Variants in PLGRKT observed in about 807,000 individuals in gnomAD.
PLGRKT encodes the protein plasminogen receptor with a C-terminal lysine.
A neutral mutation model predicts 18.5 loss-of-function variants in PLGRKT; 22 were observed. That is an observed-to-expected ratio of 1.19 (90% confidence interval 0.85 to 1.70). PLGRKT has a LOEUF of 1.70. Among genes scored for constraint, PLGRKT ranks in the 40% most tolerant of loss-of-function variants. The probability of loss-of-function intolerance (pLI) is 0.00; values close to 1 mark genes in which losing one functional copy is unlikely to be tolerated. For missense variants in PLGRKT, 235 were observed against 174.4 expected (o/e 1.35, Z -1.96); for synonymous variants, 72 against 52.8 (o/e 1.36, Z -1.58).
chr9:5,384,752 C>T (rs1412284558), intron 3 of PLGRKT, among the ~76,000 whole-genome samples: 1 of 151,804 alleles, frequency 6.6e-6, no homozygotes, highest in Non-Finnish European at 1.5e-5. Flanking sequence ...ACTAACCAAG[C>T]AGAAGAAAAA....
At chr9:5,360,191 T>C (rs1328146086) in intron 5 of PLGRKT, among the ~76,000 whole-genome samples, 2 of 152,236 alleles carry the variant, frequency 1.3e-5, no homozygotes, top group African/African-American at 2.4e-5. Context: ...TTTTCAATAT[T>C]AGAAGAATAT....
intron 3 of PLGRKT, among the ~76,000 whole-genome samples, chr9:5,416,508 T>A (rs575566612): frequency 1.1e-3 from 170 of 152,340 alleles, no homozygotes; most frequent in Admixed American, 2.9e-3. Context: ...CTACATATAG[T>A]AGGCATTCTG....
chr9:5,427,409 C>T (rs894695595), intron 3 of PLGRKT, among the ~76,000 whole-genome samples: 4 of 151,540 alleles, frequency 2.6e-5, no homozygotes, highest in African/African-American at 9.7e-5. Context: ...AGTGGAAGTT[C>T]TCAATATGAA....
intron 3 of PLGRKT, among the ~76,000 whole-genome samples, chr9:5,386,489 G>A (rs7862525): frequency 4.0e-5 from 6 of 151,676 alleles, no homozygotes; most frequent in Non-Finnish European, 7.4e-5. Flanking sequence ...ATATGCAGTG[G>A]ACCCCCACAC....
At chr9:5,407,884 G>A (rs1818286193) in intron 3 of PLGRKT, among the ~76,000 whole-genome samples, 1 of 152,180 alleles carries the variant, frequency 6.6e-6, no homozygotes, top group Non-Finnish European at 1.5e-5. Flanking sequence ...AACTATGTGT[G>A]TGTGTGTCTG....
At chr9:5,400,841 C>T (rs544099283) in intron 3 of PLGRKT, among the ~76,000 whole-genome samples, 4 of 151,954 alleles carry the variant, frequency 2.6e-5, no homozygotes, top group South Asian at 2.1e-4. Context: ...TATTCAACTA[C>T]GCTGCTATTC....
chr9:5,408,577 T>C (rs116290832), intron 3 of PLGRKT, among the ~76,000 whole-genome samples: 124 of 152,316 alleles, frequency 8.1e-4, no homozygotes, highest in African/African-American at 2.4e-3. Flanking sequence ...AGCATAAAAG[T>C]TTACAAAATT....
chr9:5,433,517 G>A (rs1405516329), intron 2 of PLGRKT, among the ~76,000 whole-genome samples: 1 of 150,452 alleles, frequency 6.6e-6, no homozygotes, highest in Non-Finnish European at 1.5e-5. Flanking sequence ...GGGATGTGAG[G>A]AGCGCCTTTG....
chr9:5,428,718 G>A (rs952928326), intron 3 of PLGRKT, among the ~76,000 whole-genome samples: 8 of 152,118 alleles, frequency 5.3e-5, no homozygotes, highest in African/African-American at 1.2e-4. Context: ...GGTTTTTTGA[G>A]ATAGGGTCTC....
intron 3 of PLGRKT, among the ~76,000 whole-genome samples, chr9:5,426,281 T>C (rs1013387973): frequency 6.6e-6 from 1 of 152,188 alleles, no homozygotes; most frequent in Non-Finnish European, 1.5e-5. Flanking sequence ...GTTCATCTTA[T>C]TATACTCCAT....
chr9:5,434,911 G>C (rs537665396), intron 2 of PLGRKT, among the ~76,000 whole-genome samples: 322 of 152,196 alleles, frequency 2.1e-3, no homozygotes, highest in African/African-American at 7.4e-3. Flanking sequence ...AGAGAGATCA[G>C]ATTGTTACTG....
chr9:5,405,470 T>A (rs1308391149), intron 3 of PLGRKT, among the ~76,000 whole-genome samples: 1 of 152,198 alleles, frequency 6.6e-6, no homozygotes, highest in African/African-American at 2.4e-5. Flanking sequence ...TCTACAACTG[T>A]CTGATCTTTG....
chr9:5,427,819 T>C lies in PLGRKT; in HGVS notation c.81+4078A>G, dbSNP rs370838826. 2.6e-5 allele frequency among the ~76,000 whole-genome samples: 4 copies of C among 152,288 alleles called. No homozygotes were observed. In the East Asian group the frequency reaches 5.8e-4, roughly 22 times the overall value. Reference sequence around the variant, plus strand: ...GGAAAAGGAGGGACAAGGGCCCTGGTTGGCTGGGTTACAGGACGTGAGAAG... The same window carrying C: ...GGAAAAGGAGGGACAAGGGCCCTGGCTGGCTGGGTTACAGGACGTGAGAAG... On this transcript the variant is annotated intron_variant, in intron 3 of 5. Transcript: ENST00000223864.
chr9:5,362,703 T>A (rs987376689), intron 3 of PLGRKT, among the ~76,000 whole-genome samples: 2 of 152,160 alleles, frequency 1.3e-5, no homozygotes, highest in African/African-American at 4.8e-5. Context: ...GAAGGACTAA[T>A]AATGTGATTT....
intron 3 of PLGRKT, among the ~76,000 whole-genome samples, chr9:5,366,021 A>T (rs1393697471): frequency 1.3e-5 from 2 of 152,172 alleles, no homozygotes; most frequent in African/African-American, 2.4e-5. Flanking sequence ...AAACATTCTA[A>T]TGAAAGATAT....
intron 3 of PLGRKT, among the ~76,000 whole-genome samples, chr9:5,372,652 T>C (rs761936216): frequency 2.0e-5 from 3 of 152,210 alleles, no homozygotes; most frequent in Non-Finnish European, 4.4e-5. Flanking sequence ...CCTCTGCTAC[T>C]GTGCTTACAA....
chr9:5,398,266 T>C (rs1257933800), intron 3 of PLGRKT, among the ~76,000 whole-genome samples: 3 of 151,702 alleles, frequency 2.0e-5, no homozygotes, highest in Non-Finnish European at 2.9e-5. Context: ...TTTAGGAAGG[T>C]GAGAAACCTG....
At chr9:5,361,641 T>G (rs1222966973) in intron 4 of PLGRKT, 117 bp downstream of exon 4, 4 of 921,590 alleles carry the variant, frequency 4.3e-6, no homozygotes, top group Non-Finnish European at 6.5e-6. Flanking sequence ...ATAGGTTACT[T>G]TGGTTACATA....
chr9:5,400,972 T>A (rs1229851737), intron 3 of PLGRKT, among the ~76,000 whole-genome samples: 8 of 151,882 alleles, frequency 5.3e-5, no homozygotes, highest in Admixed American at 5.2e-4. Context: ...AACTTTATCC[T>A]CAAAAACCCC....
Sources: allele counts gnomAD v4.1 joint callset (sites outside exome capture counted in the v4.1 genomes callset), GRCh38; gene constraint gnomAD v4.1.1; transcripts MANE v1.5; gene names NCBI Gene and HGNC (gene_info 2026-07-23, HGNC 2026-07-21).